Variants in CERKL observed in about 807,000 individuals in gnomAD.
The protein encoded by CERKL is CERK like autophagy regulator, also known as ceramide kinase-like protein.
A neutral mutation model predicts 63.4 loss-of-function variants in CERKL; 61 were observed. The observed-to-expected ratio is 0.96, with a 90% confidence interval of 0.78 to 1.19. The LOEUF is 1.19. CERKL is among the 50% of genes most tolerant of loss of function. The pLI is 0.00. For missense variants in CERKL, 675 were observed against 655.5 expected (o/e 1.03, Z -0.33); for synonymous variants, 250 against 230.5 (o/e 1.08, Z -0.77).
intron 5 of CERKL, among the ~76,000 whole-genome samples, chr2:181,556,670 T>C: frequency 6.6e-6 from 1 of 152,212 alleles, no homozygotes; most frequent in East Asian, 1.9e-4. Flanking sequence ...TGGTTCCAAG[T>C]CTTTGCTATT....
At chr2:181,654,979 C>A (rs531143209) in intron 1 of CERKL, among the ~76,000 whole-genome samples, 3 of 152,248 alleles carry the variant, frequency 2.0e-5, no homozygotes, top group South Asian at 4.1e-4. Context: ...CTCTTGGTTT[C>A]TTCCATAAAC....
At chr2:181,585,025 C>T (rs1684700922) in intron 2 of CERKL, among the ~76,000 whole-genome samples, 1 of 151,762 alleles carries the variant, frequency 6.6e-6, no homozygotes, top group South Asian at 2.1e-4. Context: ...CGATATGGCT[C>T]TCTTTCCCCA....
chr2:181,548,288 G>C, intron 8 of CERKL: 2 of 541,832 alleles, frequency 3.7e-6, no homozygotes, highest in South Asian at 4.9e-5. Flanking sequence ...AAAGAAAGGG[G>C]AAGGGAAGGG....
In CERKL at chr2:181,566,072, G is replaced by C; in HGVS notation, c.663C>G (p.Leu221=). The C allele has an allele frequency of 6.2e-7, 1 of 1,606,958 alleles. No homozygotes were observed. The highest frequency in any genetic ancestry group is 8.5e-7 in the Non-Finnish European group (1 of 1,174,188). ...HALSLLKECE[L]QGFDGVVCVG... Reference sequence around the variant, plus strand: ...ATATAACCTACCCATCAAATCCCTGGAGTTCACATTCCTTAAGCAGTGACA... The same window carrying C: ...ATATAACCTACCCATCAAATCCCTGCAGTTCACATTCCTTAAGCAGTGACA... The change falls in exon 4 of 13, where the codon CTC becomes CTG. Residue 221 remains leucine (L), a synonymous_variant. Coordinates refer to ENST00000410087, the MANE Select transcript of CERKL (RefSeq NM_201548.5).
intron 5 of CERKL, among the ~76,000 whole-genome samples, chr2:181,553,144 C>A (rs1049081354): frequency 6.6e-6 from 1 of 152,106 alleles, no homozygotes; most frequent in Non-Finnish European, 1.5e-5. Context: ...AGTCTATGGA[C>A]CCTAAGTTTT....
chr2:181,577,117 G>T (rs553151850), intron 2 of CERKL, among the ~76,000 whole-genome samples: 1 of 152,284 alleles, frequency 6.6e-6, no homozygotes, highest in African/African-American at 2.4e-5. Flanking sequence ...GACGATGTCT[G>T]CAAAGGGGCC....
intron 10 of CERKL, among the ~76,000 whole-genome samples, chr2:181,546,612 T>C (rs1687736414): frequency 6.6e-6 from 1 of 152,204 alleles, no homozygotes; most frequent in African/African-American, 2.4e-5. Flanking sequence ...TCCCCGTTTA[T>C]TGCCTATATT....
chr2:181,598,448 C>T (rs2105886657), intron 2 of CERKL, among the ~76,000 whole-genome samples: 1 of 152,088 alleles, frequency 6.6e-6, no homozygotes, highest in East Asian at 1.9e-4. Flanking sequence ...TAGTGCACCT[C>T]CCCCTATCTC....
chr2:181,615,233 C>T (rs1686141269), intron 1 of CERKL, among the ~76,000 whole-genome samples: 1 of 152,166 alleles, frequency 6.6e-6, no homozygotes. Flanking sequence ...CCTCTCCTGG[C>T]AGGTTACCTT....
intron 4 of CERKL, 71 bp downstream of exon 4, chr2:181,565,987 T>C: frequency 2.9e-6 from 3 of 1,024,774 alleles, no homozygotes; most frequent in Non-Finnish European, 3.0e-6. Flanking sequence ...GTTCCAAATA[T>C]GTAGCTAAAA....
At chr2:181,546,589 A>G (rs1687735202) in intron 10 of CERKL, among the ~76,000 whole-genome samples, 1 of 152,060 alleles carries the variant, frequency 6.6e-6, no homozygotes, top group Non-Finnish European at 1.5e-5. Flanking sequence ...TTTCTTCTCT[A>G]ACTTTGAATA....
rs2105832057 is a variant in CERKL at position 181,565,449 on chromosome 2, G to A, written c.677+609C>T. 1.9e-6 allele frequency: 3 copies of A among 1,611,896 alleles called. No homozygotes were observed. The highest frequency in any genetic ancestry group is 1.7e-6 in the Non-Finnish European group (2 of 1,178,802). On this transcript the variant is annotated intron_variant, in intron 4 of 12. Transcript: ENST00000410087. Reference sequence around the variant, plus strand: ...ATCACTTGCCTTGGTTCTAACGTTTGCATGCCAGTGAACAATCTCTGTACA... The same window carrying A: ...ATCACTTGCCTTGGTTCTAACGTTTACATGCCAGTGAACAATCTCTGTACA...
At chr2:181,588,268 G>A (rs1415830843) in intron 2 of CERKL, among the ~76,000 whole-genome samples, 1 of 151,898 alleles carries the variant, frequency 6.6e-6, no homozygotes, top group Middle Eastern at 3.2e-3. Flanking sequence ...TCAGCCTATC[G>A]CATACCCCTG....
At chr2:181,575,614 T>G (rs1425872284) in intron 2 of CERKL, among the ~76,000 whole-genome samples, 2 of 151,996 alleles carry the variant, frequency 1.3e-5, no homozygotes, top group East Asian at 3.9e-4. Context: ...CCCCCTAAAA[T>G]TTCCTCCCTC....
At chr2:181,654,312 T>C (rs953663465) in intron 1 of CERKL, among the ~76,000 whole-genome samples, 15 of 152,190 alleles carry the variant, frequency 9.9e-5, no homozygotes, top group African/African-American at 3.4e-4. Context: ...GAACTACAAT[T>C]ACTACGGTTA....
At chr2:181,563,576 T>C (rs1688534518) in intron 4 of CERKL, among the ~76,000 whole-genome samples, 1 of 130,726 alleles carries the variant, frequency 7.6e-6, no homozygotes, top group Non-Finnish European at 1.6e-5. Context: ...CTGTCTCTCA[T>C]CAAAATGCCA....
At position 181,644,583 on chromosome 2, in the gene CERKL, T is replaced by G. The variant is rs529577334; in HGVS notation, c.238+12186A>C. ...TTTTCTACTCTGCAGCTGAGCAACA[T>G]GGAACCTTCCTGCCATGAACCTCAC... is the stretch of plus-strand genomic sequence containing the variant. On this transcript the variant is annotated intron_variant, in intron 1 of 12. Coordinates refer to ENST00000410087, the MANE Select transcript of CERKL (RefSeq NM_201548.5). Among the ~76,000 whole-genome samples, 592 of 152,290 alleles carry G rather than the reference T, an allele frequency of 3.9e-3. 2 individuals carry two copies. The highest frequency in any genetic ancestry group is 5.6e-3 in the Non-Finnish European group (384 of 68,030).
intron 2 of CERKL, among the ~76,000 whole-genome samples, chr2:181,601,358 A>G (rs992506068): frequency 6.6e-6 from 1 of 152,130 alleles, no homozygotes; most frequent in African/African-American, 2.4e-5. Flanking sequence ...TCAGGAGTTC[A>G]AGACCAGCCT....
rs918705419 is a variant in CERKL, at chr2:181,537,944, G to T, written c.*240C>A. ...GCAGCAGCATTAGATTCTCATAGAAGTGCGAACCATATGGTGAACTGGTAT... is the reference window on the plus strand; with the variant it reads ...GCAGCAGCATTAGATTCTCATAGAATTGCGAACCATATGGTGAACTGGTAT... On this transcript the variant is annotated 3_prime_UTR_variant, in exon 13 of 13. Coordinates refer to ENST00000410087, the MANE Select transcript of CERKL (RefSeq NM_201548.5). 4 of 618,796 alleles carry T rather than the reference G, an allele frequency of 6.5e-6. No homozygotes were observed. The highest frequency in any genetic ancestry group is 5.4e-5 in the African/African-American group (3 of 55,242). 38.3% of individuals were successfully genotyped at this position (618,796 alleles called of 1,614,324 possible).
Sources: allele counts gnomAD v4.1 joint callset (sites outside exome capture counted in the v4.1 genomes callset), GRCh38; gene constraint gnomAD v4.1.1; transcripts MANE v1.5; gene names NCBI Gene and HGNC (gene_info 2026-07-23, HGNC 2026-07-21).